The following PCDH15 variants were observed in gnomAD, a reference collection of about 807,000 sequenced individuals.
The protein encoded by PCDH15 is protocadherin related 15.
In PCDH15, 129 loss-of-function variants were observed where a neutral mutation model predicts 178.5. The ratio of observed to expected loss-of-function variants is 0.72; its 90% CI spans 0.63 to 0.84. The LOEUF (loss-of-function observed/expected upper bound fraction) is 0.84, where lower values mean the gene tolerates loss of function less well. Among genes scored for constraint, PCDH15 ranks in the 40% least tolerant of loss-of-function variants. The probability of loss-of-function intolerance (pLI) is 0.00; values close to 1 mark genes in which losing one functional copy is unlikely to be tolerated. For missense variants in PCDH15, 2,230 were observed against 2,099.9 expected, an observed-to-expected ratio of 1.06 and a Z score of -1.21; for synonymous variants, 800 against 732.0, an observed-to-expected ratio of 1.09 and a Z score of -1.50.
intron 2 of PCDH15, among the ~76,000 whole-genome samples, chr10:55,503,330 TAA>T (rs1565202702): frequency 2.0e-5 from 3 of 149,146 alleles, no homozygotes; most frequent in East Asian, 3.9e-4. Flanking sequence ...ATTTTAAAAT[TAA>T]GTTTTATTAA....
intron 2 of PCDH15, among the ~76,000 whole-genome samples, chr10:55,622,621 A>G (rs973308073): frequency 6.6e-6 from 1 of 152,178 alleles, no homozygotes; most frequent in Non-Finnish European, 1.5e-5. Flanking sequence ...TGGCTGATCA[A>G]CCATAAGAAT....
chr10:54,638,245 C>T (rs1272461259), intron 2 of PCDH15, among the ~76,000 whole-genome samples: 1 of 151,832 alleles, frequency 6.6e-6, no homozygotes, highest in African/African-American at 2.4e-5. Flanking sequence ...GATTGGGGTA[C>T]CAATCTCAGA....
intron 13 of PCDH15, among the ~76,000 whole-genome samples, chr10:54,180,444 A>G (rs1379139630): frequency 3.9e-5 from 6 of 152,204 alleles, no homozygotes; most frequent in African/African-American, 1.4e-4. Flanking sequence ...AAATGACAAT[A>G]ATTAAAACCT....
At chr10:54,512,359 T>TGTGTGTGTGTGTG in intron 3 of PCDH15, among the ~76,000 whole-genome samples, 1 of 134,088 alleles carries the variant, frequency 7.5e-6, no homozygotes, top group Non-Finnish European at 1.6e-5. Context: ...ATTTCTGGCA[T>TGTGTGTGTGTGTG]TGTGTGTGTG....
intron 2 of PCDH15, among the ~76,000 whole-genome samples, chr10:55,573,760 G>A (rs933121166): frequency 2.0e-5 from 3 of 151,728 alleles, no homozygotes; most frequent in Non-Finnish European, 4.4e-5. Flanking sequence ...TTTATTTGAT[G>A]GCATATCCTG....
intron 2 of PCDH15, among the ~76,000 whole-genome samples, chr10:55,579,309 TATC>T (rs1279994335): frequency 6.6e-6 from 1 of 152,188 alleles, no homozygotes; most frequent in East Asian, 1.9e-4. Context: ...ATGACACAAT[TATC>T]ATAGAAGTGA....
chr10:54,607,667 A>T (rs189655644), intron 2 of PCDH15, among the ~76,000 whole-genome samples: 6 of 152,196 alleles, frequency 3.9e-5, no homozygotes, highest in Admixed American at 6.5e-5. Context: ...AAGAAAATAT[A>T]ATAGACTAGA....
chr10:54,850,097 A>T (rs1953589350), intron 3 of PCDH15, among the ~76,000 whole-genome samples: 1 of 152,132 alleles, frequency 6.6e-6, no homozygotes, highest in Non-Finnish European at 1.5e-5. Flanking sequence ...ATTTTCAAAA[A>T]TGTACTTTAG....
At chr10:54,626,520 G>A (rs1156507954) in intron 2 of PCDH15, among the ~76,000 whole-genome samples, 2 of 152,200 alleles carry the variant, frequency 1.3e-5, no homozygotes, top group African/African-American at 2.4e-5. Context: ...CAGGCCCTGA[G>A]CCTTGGCAGT....
intron 27 of PCDH15, among the ~76,000 whole-genome samples, chr10:53,860,295 T>C (rs551901542): frequency 2.6e-5 from 4 of 152,178 alleles, no homozygotes; most frequent in Non-Finnish European, 5.9e-5. Flanking sequence ...CACAGTCGAT[T>C]TCTCAGCCTT....
At chr10:55,396,273 G>A (rs1278625509) in intron 2 of PCDH15, among the ~76,000 whole-genome samples, 3 of 152,070 alleles carry the variant, frequency 2.0e-5, no homozygotes, top group Non-Finnish European at 4.4e-5. Flanking sequence ...ACCCTGTAGA[G>A]AAAAGATTGC....
chr10:54,283,201 C>A (rs2058810466), intron 8 of PCDH15, among the ~76,000 whole-genome samples: 1 of 152,116 alleles, frequency 6.6e-6, no homozygotes, highest in Non-Finnish European at 1.5e-5. Context: ...TTTAGCAAAG[C>A]TGGACTCTGC....
chr10:54,433,824 AT>A (rs1462343775), intron 3 of PCDH15, among the ~76,000 whole-genome samples: 2 of 152,166 alleles, frequency 1.3e-5, no homozygotes, highest in African/African-American at 2.4e-5. Context: ...ATATACACCT[AT>A]TATGTACCCA....
At chr10:54,221,538 AAC>A (rs1218531246) in intron 9 of PCDH15, among the ~76,000 whole-genome samples, 1 of 152,060 alleles carries the variant, frequency 6.6e-6, no homozygotes, top group Non-Finnish European at 1.5e-5. Flanking sequence ...ACCCTATGCA[AAC>A]ACTGATCACT....
At chr10:55,399,505 G>A (rs563235509) in intron 2 of PCDH15, among the ~76,000 whole-genome samples, 5 of 152,114 alleles carry the variant, frequency 3.3e-5, no homozygotes, top group East Asian at 1.9e-4. Context: ...AAATAATGAC[G>A]ACTAGGCACT....
intron 2 of PCDH15, among the ~76,000 whole-genome samples, chr10:54,979,176 A>T (rs2131902069): frequency 6.6e-6 from 1 of 152,290 alleles, no homozygotes; most frequent in East Asian, 1.9e-4. Context: ...TTTTAAAGGT[A>T]AAATGACCAT....
At chr10:55,249,581 A>G (rs997103098) in intron 1 of PCDH15, among the ~76,000 whole-genome samples, 1 of 152,182 alleles carries the variant, frequency 6.6e-6, no homozygotes, top group Non-Finnish European at 1.5e-5. Context: ...ATCAAACACA[A>G]TCTGCTGAAT....
intron 2 of PCDH15, among the ~76,000 whole-genome samples, chr10:55,055,369 G>A (rs746200149): frequency 4.6e-5 from 7 of 152,148 alleles, no homozygotes; most frequent in Non-Finnish European, 8.8e-5. Context: ...AACCCTGAAT[G>A]ATATTAGTCA....
At chr10:54,984,271 C>T (rs373879511) in intron 2 of PCDH15, among the ~76,000 whole-genome samples, 19 of 152,216 alleles carry the variant, frequency 1.2e-4, no homozygotes, top group African/African-American at 4.6e-4. Flanking sequence ...ATTTACCTTC[C>T]CCAAGGAAGG....
Sources: gnomAD v4.1 joint callset for allele counts (sites outside exome capture counted in the v4.1 genomes callset) on GRCh38, gnomAD v4.1.1 for gene constraint, MANE v1.5 for transcripts, NCBI Gene and HGNC (gene_info 2026-07-23, HGNC 2026-07-21) for gene names.